ARMC9: variants seen among roughly 807,000 people sequenced by gnomAD.
The protein encoded by ARMC9 is armadillo repeat containing 9, also known as lisH domain-containing protein ARMC9.
In ARMC9, 94 loss-of-function variants were observed where a neutral mutation model predicts 107.0. That is an observed-to-expected ratio of 0.88 (90% CI 0.74 to 1.04). The LOEUF (loss-of-function observed/expected upper bound fraction) is 1.04. Among genes scored for constraint, ARMC9 ranks in the 50% least tolerant of loss-of-function variants. The probability of loss-of-function intolerance (pLI) is 0.00; values close to 1 mark genes in which losing one functional copy is unlikely to be tolerated. For synonymous variants in ARMC9, 380 were observed against 396.9 expected (o/e 0.96, Z 0.51); for missense variants, 942 against 1,030.1 (o/e 0.91, Z 1.17).
At chr2:231,230,878 G>A (rs1171133707) in intron 7 of ARMC9, among the ~76,000 whole-genome samples, 1 of 152,184 alleles carries the variant, frequency 6.6e-6, no homozygotes, top group African/African-American at 2.4e-5. Flanking sequence ...TTTTCAACCT[G>A]AGGTGGTTGA....
chr2:231,346,020 C>T (rs914603173), intron 21 of ARMC9, among the ~76,000 whole-genome samples: 2 of 152,108 alleles, frequency 1.3e-5, no homozygotes, highest in Admixed American at 1.3e-4. Flanking sequence ...GTTCTGTTGC[C>T]CATCTGGGAT....
At position 231,235,382 on chromosome 2, in the gene ARMC9, G is replaced by A; in HGVS notation, c.780+1G>A. 6.2e-7 allele frequency: 1 copy of A among 1,614,082 alleles called. No individual in the cohort carries two copies. Among genetic ancestry groups the A allele is most frequent in the Non-Finnish European group, 8.5e-7 (1 of 1,179,982 alleles). The stretch of plus-strand genomic sequence containing the variant: ...AGAGGCCACAGTCAGCGGCAAGATG[G>A]TAAGGAAGATCCCTAATTGTGTGTA... On this transcript the variant is annotated splice_donor_variant, in intron 8 of 24. Coordinates refer to ENST00000611582, the MANE Select transcript of ARMC9 (RefSeq NM_001352754.2). LOFTEE classifies it high-confidence loss of function.
At chr2:231,264,049 G>C (rs1390389974) in intron 12 of ARMC9, among the ~76,000 whole-genome samples, 1 of 152,142 alleles carries the variant, frequency 6.6e-6, no homozygotes, top group Non-Finnish European at 1.5e-5. Context: ...TGTATAAAAT[G>C]AAAATGTGTC....
chr2:231,312,342 G>T (rs2042400946), intron 19 of ARMC9, among the ~76,000 whole-genome samples: 1 of 152,200 alleles, frequency 6.6e-6, no homozygotes, highest in Non-Finnish European at 1.5e-5. Context: ...TGAGGCTGAG[G>T]CTCCAGAATT....
intron 8 of ARMC9, among the ~76,000 whole-genome samples, chr2:231,237,753 G>GTC (rs1553601875): frequency 4.1e-5 from 1 of 24,426 alleles, no homozygotes; most frequent in Non-Finnish European, 7.6e-5. Context: ...TTGGCTATAT[G>GTC]TATATATATA....
At chr2:231,330,332 A>G (rs943841001) in intron 19 of ARMC9, among the ~76,000 whole-genome samples, 2 of 149,650 alleles carry the variant, frequency 1.3e-5, no homozygotes, top group East Asian at 2.0e-4. Flanking sequence ...GTAGAATTCC[A>G]GGTTCCATGC....
intron 20 of ARMC9, among the ~76,000 whole-genome samples, chr2:231,344,141 T>C (rs1010402063): frequency 6.6e-5 from 10 of 152,218 alleles, no homozygotes; most frequent in African/African-American, 1.9e-4. Context: ...ACGCTTTCCA[T>C]GTTTTGGATT....
chr2:231,340,941 G>A (rs1013162607), intron 20 of ARMC9, among the ~76,000 whole-genome samples: 6 of 151,188 alleles, frequency 4.0e-5, no homozygotes, highest in South Asian at 2.1e-4. Context: ...ATGGTGGCTC[G>A]TGTGTAATCC....
intron 20 of ARMC9, among the ~76,000 whole-genome samples, chr2:231,333,494 A>G (rs1056252544): frequency 7.9e-5 from 12 of 152,136 alleles, no homozygotes; most frequent in Admixed American, 2.6e-4. Context: ...TTGGCTGTGG[A>G]GCTGTTTACA....
intron 19 of ARMC9, among the ~76,000 whole-genome samples, chr2:231,307,134 A>G (rs1264343254): frequency 1.3e-5 from 2 of 152,170 alleles, no homozygotes; most frequent in African/African-American, 2.4e-5. Flanking sequence ...CATGGAAAAG[A>G]CAGTTTGCTG....
rs766377357 is a variant in ARMC9 at position 231,226,794 on chromosome 2, C to G, written c.618C>G (p.Asn206Lys). 2.5e-6 allele frequency: 4 copies of G among 1,613,446 alleles called. No homozygotes were observed. The highest frequency in any genetic ancestry group is 3.4e-6 in the Non-Finnish European group (4 of 1,179,598). ...CCCAGAAGGAGAATGGACAAAGTAA[C>G]AAAGGTAAATCATCTAGATTTAAAT... Reference protein sequence around the residue: ...LTIYKENGQSNKEILQQLHQQ... With the variant: ...LTIYKENGQSKKEILQQLHQQ... Residue 206 changes from asparagine (N) to lysine (K), a missense_variant, in exon 7 of 25, where the codon AAC (asparagine) becomes AAG (lysine). Coordinates refer to ENST00000611582, the MANE Select transcript of ARMC9 (RefSeq NM_001352754.2).
At position 231,222,592 on chromosome 2, in the gene ARMC9, A is replaced by C. The variant is rs1246417247; in HGVS notation, c.505-136A>C. The stretch of plus-strand genomic sequence containing the variant: ...TCAGATGTCCTAAGACCTGTTTTTC[A>C]CAGCCTCACGTCACTGGCATTTTGG... On this transcript the variant is annotated intron_variant, in intron 5 of 24. Coordinates refer to ENST00000611582, the MANE Select transcript of ARMC9 (RefSeq NM_001352754.2). The C allele has an allele frequency of 1.6e-5, 8 of 504,162 alleles. No homozygotes were observed. In the East Asian group the frequency reaches 2.6e-4, roughly 16 times the overall value. 31.2% of individuals were successfully genotyped at this position (504,162 alleles called of 1,614,324 possible).
intron 17 of ARMC9, among the ~76,000 whole-genome samples, chr2:231,285,630 G>A (rs1385120673): frequency 6.7e-6 from 1 of 149,084 alleles, no homozygotes; most frequent in Non-Finnish European, 1.5e-5. Context: ...TGTGCAACAG[G>A]GTGAGACTCC....
At chr2:231,292,204 A>G in intron 18 of ARMC9, among the ~76,000 whole-genome samples, 1 of 152,020 alleles carries the variant, frequency 6.6e-6, no homozygotes, top group East Asian at 1.9e-4. Flanking sequence ...CAGGTAGTCA[A>G]GGCCAGATTG....
chr2:231,343,520 C>T (rs62198968), intron 20 of ARMC9, among the ~76,000 whole-genome samples: 2 of 151,996 alleles, frequency 1.3e-5, no homozygotes, highest in African/African-American at 4.8e-5. Flanking sequence ...GTGCTAATAT[C>T]TTATGTAATT....
rs1254706979 is a variant in ARMC9, at chr2:231,371,648, G to A, written c.*113G>A. On this transcript the variant is annotated 3_prime_UTR_variant, in exon 25 of 25. Coordinates refer to ENST00000611582, the MANE Select transcript of ARMC9 (RefSeq NM_001352754.2). ...AAGGGACAGTTGTCCACAAGACTCT[G>A]GGAGCTGAGGGGAGGCCGGCTCTCC... The A allele has an allele frequency of 9.4e-7, 1 of 1,060,676 alleles. No homozygotes were observed. Among genetic ancestry groups the A allele is most frequent in the Non-Finnish European group, 1.2e-6 (1 of 831,662 alleles). 65.7% of individuals were successfully genotyped at this position (1,060,676 alleles called of 1,614,324 possible).
At chr2:231,308,679 G>C (rs546936936) in intron 19 of ARMC9, among the ~76,000 whole-genome samples, 1 of 152,320 alleles carries the variant, frequency 6.6e-6, no homozygotes, top group East Asian at 1.9e-4. Context: ...GAAAATGATA[G>C]GGCATAGAAC....
rs951022603 is a variant in ARMC9 at position 231,356,078 on chromosome 2, C to T, written c.2131+144C>T. On this transcript the variant is annotated intron_variant, in intron 22 of 24. Transcript: ENST00000611582. ...AACAGCCCCGTGTCACAGAGGCTCACGGGATTCCCAGCCCACAGCCAGACC... is the reference window on the plus strand; with the variant it reads ...AACAGCCCCGTGTCACAGAGGCTCATGGGATTCCCAGCCCACAGCCAGACC... 9 of 1,143,076 alleles carry T rather than the reference C, an allele frequency of 7.9e-6. No homozygotes were observed. In the East Asian group the frequency reaches 1.1e-4, roughly 14 times the overall value. 70.8% of individuals were successfully genotyped at this position (1,143,076 alleles called of 1,614,324 possible).
chr2:231,280,524 TATAC>T (rs778523050), intron 16 of ARMC9, among the ~76,000 whole-genome samples: 2 of 152,066 alleles, frequency 1.3e-5, no homozygotes, highest in Admixed American at 6.6e-5. Context: ...TATATACATA[TATAC>T]ATACATACAT....
Sources: gnomAD v4.1 joint callset for allele counts (sites outside exome capture counted in the v4.1 genomes callset) on GRCh38, gnomAD v4.1.1 for gene constraint, MANE v1.5 for transcripts, NCBI Gene and HGNC (gene_info 2026-07-23, HGNC 2026-07-21) for gene names.